SLC22A25: variants seen among roughly 807,000 people sequenced by gnomAD.
SLC22A25 encodes the protein solute carrier family 22 member 25, also known as MGI:2442751, MGI:2385316, MGI:3042283, MGI:3645714, MGI:3605624, MGI:2442750.
SLC22A25 carries 44 observed loss-of-function variants against 45.9 expected under a neutral mutation model. That is an observed-to-expected ratio of 0.96 (90% confidence interval 0.75 to 1.23). The LOEUF (loss-of-function observed/expected upper bound fraction) is 1.23, where lower values mean the gene tolerates loss of function less well. Ranked by LOEUF, SLC22A25 falls within the 50% of genes most tolerant of loss-of-function variation. The pLI is 0.00. For synonymous variants in SLC22A25, 283 were observed against 238.6 expected, an observed-to-expected ratio of 1.19 and a Z score of -1.72; for missense variants, 800 against 666.4, an observed-to-expected ratio of 1.20 and a Z score of -2.21.
chr11:63,175,273 CTTAT>C (rs1202646610), intron 9 of SLC22A25, among the ~76,000 whole-genome samples: 8 of 152,060 alleles, frequency 5.3e-5, no homozygotes, highest in Admixed American at 1.3e-4. Context: ...GTTATTATCT[CTTAT>C]TTATTTATTC....
chr11:63,166,895 C>A lies in SLC22A25; in HGVS notation c.1071-637G>T, dbSNP rs572608589. The A allele has an allele frequency of 1.0e-5, 10 of 983,126 alleles. No homozygotes were observed. The African/African-American group carries it at 1.6e-4, about 15-fold the overall frequency. 60.9% of individuals were successfully genotyped at this position (983,126 alleles called of 1,614,324 possible). On this transcript the variant is annotated intron_variant, in intron 9 of 11. Transcript: ENST00000306494. ...CGATAGAGACAGCTGGCAAGATGGC[C>A]GAATAGGAAGAGCTCTGGTCTGCAG...
At chr11:63,164,920 G>GT (rs532296342) in intron 10 of SLC22A25, among the ~76,000 whole-genome samples, 3,741 of 149,024 alleles carry the variant, frequency 0.025, 92 homozygotes, top group African/African-American at 0.053. Context: ...GAGCTAAAGA[G>GT]TTTTTTTTTT....
Position 63,163,842 on chromosome 11 carries a change from C to T in SLC22A25, c.1626G>A (p.Gln542=), listed in dbSNP as rs143144289. 8.7e-6 allele frequency: 14 copies of T among 1,613,458 alleles called. No homozygotes were observed. In the African/African-American group the frequency reaches 1.5e-4, roughly 17 times the overall value. ...NEGVNSLAAP[Q]RSSVL Reference sequence around the variant, plus strand: ...CACAGACCTATAGCACAGAGCTCCTCTGAGGGGCAGCTAGGCTATTTACTC... The same window carrying T: ...CACAGACCTATAGCACAGAGCTCCTTTGAGGGGCAGCTAGGCTATTTACTC... Residue 542 remains glutamine, a synonymous_variant, in exon 12 of 12, where the codon CAG becomes CAA. Transcript: ENST00000306494.
chr11:63,228,934 T>C (rs2090015775), intron 4 of SLC22A25, among the ~76,000 whole-genome samples: 1 of 152,166 alleles, frequency 6.6e-6, no homozygotes, highest in Non-Finnish European at 1.5e-5. Context: ...TTCCCAGAGG[T>C]TTATAATTTT....
chr11:63,236,407 T>C (rs1378315100), intron 3 of SLC22A25, among the ~76,000 whole-genome samples: 1 of 152,136 alleles, frequency 6.6e-6, no homozygotes, highest in African/African-American at 2.4e-5. Context: ...GTGCTAGCAA[T>C]GAGTGAGGCT....
intron 5 of SLC22A25, 152 bp from the exon 6 acceptor site, chr11:63,217,887 G>T (rs997927470): frequency 3.7e-5 from 35 of 944,676 alleles, no homozygotes; most frequent in East Asian, 1.1e-4. Context: ...TCAATGGCAG[G>T]TCTTCTCAGA....
intron 3 of SLC22A25, among the ~76,000 whole-genome samples, chr11:63,231,927 A>C (rs1467609044): frequency 6.6e-6 from 1 of 152,158 alleles, no homozygotes; most frequent in Non-Finnish European, 1.5e-5. Flanking sequence ...AGGTTTGTCA[A>C]AGATCGGATA....
intron 3 of SLC22A25, among the ~76,000 whole-genome samples, chr11:63,232,214 G>A (rs1013332085): frequency 1.3e-5 from 2 of 152,074 alleles, no homozygotes; most frequent in African/African-American, 4.8e-5. Context: ...ATCTATAAAA[G>A]ACCTTGGGCA....
chr11:63,230,251 C>G (rs190313200), intron 3 of SLC22A25, among the ~76,000 whole-genome samples, 155 bp from the exon 4 acceptor site: 6 of 152,316 alleles, frequency 3.9e-5, no homozygotes, highest in Admixed American at 2.6e-4. Context: ...AAGCATACCA[C>G]AAACTCACAC....
intron 7 of SLC22A25, among the ~76,000 whole-genome samples, chr11:63,193,992 A>G (rs577783931): frequency 2.1e-4 from 32 of 152,338 alleles, no homozygotes; most frequent in African/African-American, 7.7e-4. Context: ...GCTGAAAACC[A>G]TGGCATGAGA....
intron 7 of SLC22A25, among the ~76,000 whole-genome samples, chr11:63,198,728 AAAAAG>A (rs1194958469): frequency 6.6e-6 from 1 of 152,152 alleles, no homozygotes; most frequent in Non-Finnish European, 1.5e-5. Context: ...AAAAAAAAGA[AAAAAG>A]AAATCAAGAC....
At position 63,159,333 on chromosome 11, in the gene SLC22A25, TC is replaced by T. The variant is rs1159800272; in HGVS notation, c.*4490del. ...CATCTTGAATTATAGCTCCCATAGTTCCCACCTGTCATGGGAGGGAGCCTGT... is the reference window on the plus strand; with the variant it reads ...CATCTTGAATTATAGCTCCCATAGTTCCACCTGTCATGGGAGGGAGCCTGT... On this transcript the variant is annotated 3_prime_UTR_variant, in exon 12 of 12. Transcript: ENST00000306494. Among the ~76,000 whole-genome samples, 1 of 152,182 alleles carries T rather than the reference TC, an allele frequency of 6.6e-6. No individual in the cohort carries two copies. Among genetic ancestry groups the T allele is most frequent in the African/African-American group, 2.4e-5 (1 of 41,450 alleles).
intron 7 of SLC22A25, among the ~76,000 whole-genome samples, chr11:63,186,924 A>G (rs2088575834): frequency 6.6e-6 from 1 of 152,180 alleles, no homozygotes; most frequent in South Asian, 2.1e-4. Context: ...TGGTACCAGT[A>G]CCATGCTGTT....
chr11:63,204,463 T>C lies in SLC22A25; in HGVS notation c.830+12851A>G, dbSNP rs547793573. 1.1e-4 allele frequency among the ~76,000 whole-genome samples: 16 copies of C among 152,254 alleles called. No individual in the cohort carries two copies. In the East Asian group the frequency reaches 3.1e-3, roughly 29 times the overall value. ...GGCTCATAATAAAGGGATGGAAGAA[T>C]ATTTACCAAGCAAATAGAAAGAAAA... On this transcript the variant is annotated intron_variant, in intron 7 of 11. Transcript: ENST00000306494.
chr11:63,192,731 T>A (rs559269583), intron 7 of SLC22A25, among the ~76,000 whole-genome samples: 1 of 151,904 alleles, frequency 6.6e-6, no homozygotes, highest in Admixed American at 6.6e-5. Context: ...AAACATGAAA[T>A]AGAGAAAGAA....
chr11:63,212,752 T>C (rs1403542636), intron 7 of SLC22A25, among the ~76,000 whole-genome samples: 1 of 151,848 alleles, frequency 6.6e-6, no homozygotes, highest in Admixed American at 6.6e-5. Context: ...TGTATACATA[T>C]GTAACAAACC....
chr11:63,238,271 A>G (rs1439373024), intron 2 of SLC22A25, among the ~76,000 whole-genome samples: 2 of 152,142 alleles, frequency 1.3e-5, no homozygotes, highest in Non-Finnish European at 2.9e-5. Context: ...TGGTTCTCAA[A>G]TTTTGCCATA....
intron 8 of SLC22A25, among the ~76,000 whole-genome samples, chr11:63,181,397 C>A: frequency 8.0e-6 from 1 of 124,848 alleles, no homozygotes; most frequent in Non-Finnish European, 1.7e-5. Flanking sequence ...CCCCCCTCCC[C>A]CCACCCCACA....
intron 7 of SLC22A25, among the ~76,000 whole-genome samples, chr11:63,201,611 G>T (rs2089246034): frequency 1.3e-5 from 2 of 152,128 alleles, no homozygotes; most frequent in Non-Finnish European, 2.9e-5. Flanking sequence ...AAGATTTCAT[G>T]ATAAAAACAC....
Sources: allele counts gnomAD v4.1 joint callset (sites outside exome capture counted in the v4.1 genomes callset), GRCh38; gene constraint gnomAD v4.1.1; transcripts MANE v1.5; gene names NCBI Gene and HGNC (gene_info 2026-07-23, HGNC 2026-07-21).